MINDY2: variants seen among roughly 807,000 people sequenced by gnomAD.
MINDY2 encodes ubiquitin carboxyl-terminal hydrolase MINDY-2.
MINDY2 carries 52 observed loss-of-function variants against 68.2 expected under a neutral mutation model. The observed-to-expected ratio is 0.76, with a 90% confidence interval of 0.61 to 0.96. The LOEUF (loss-of-function observed/expected upper bound fraction) is 0.96. Among genes scored for constraint, MINDY2 ranks in the 40% least tolerant of loss-of-function variants. The pLI is 0.00. For missense variants in MINDY2, 881 were observed against 773.4 expected (o/e 1.14, Z -1.65); for synonymous variants, 372 against 303.0 (o/e 1.23, Z -2.36).
At chr15:58,791,255 A>ATATATATC (rs1567043814) in intron 2 of MINDY2, among the ~76,000 whole-genome samples, 2 of 125,718 alleles carry the variant, frequency 1.6e-5, no homozygotes, top group East Asian at 4.5e-4. Flanking sequence ...ATATATATAT[A>ATATATATC]TCTTGAGTTC....
intron 2 of MINDY2, among the ~76,000 whole-genome samples, chr15:58,790,476 T>C (rs1901809829): frequency 6.6e-6 from 1 of 152,142 alleles, no homozygotes; most frequent in African/African-American, 2.4e-5. Context: ...ATTTTGGTTT[T>C]TGCCATGAGT....
chr15:58,778,533 C>T (rs1357707804), intron 1 of MINDY2, among the ~76,000 whole-genome samples: 2 of 150,318 alleles, frequency 1.3e-5, no homozygotes, highest in East Asian at 2.0e-4. Context: ...AAAACAGACA[C>T]ACACCAAAAA....
chr15:58,847,858 G>C (rs1271484472), intron 7 of MINDY2, among the ~76,000 whole-genome samples: 1 of 152,216 alleles, frequency 6.6e-6, no homozygotes, highest in Non-Finnish European at 1.5e-5. Context: ...TGATGGCTTA[G>C]CCTTGGGTGG....
chr15:58,788,441 G>C (rs554816616), intron 2 of MINDY2, among the ~76,000 whole-genome samples: 2 of 152,296 alleles, frequency 1.3e-5, no homozygotes, highest in East Asian at 3.9e-4. Context: ...ACATTAGTAA[G>C]CACACTGTTT....
chr15:58,808,729 C>T (rs917443769), intron 3 of MINDY2, among the ~76,000 whole-genome samples: 18 of 152,142 alleles, frequency 1.2e-4, no homozygotes, highest in East Asian at 9.6e-4. Context: ...CTCAGCCTCC[C>T]GAGTAGCTGG....
intron 5 of MINDY2, among the ~76,000 whole-genome samples, chr15:58,827,720 G>A (rs1475205324): frequency 6.6e-6 from 1 of 151,910 alleles, no homozygotes; most frequent in African/African-American, 2.4e-5. Context: ...CCAAAGTGCC[G>A]GGATTACAGG....
At chr15:58,831,991 C>A in intron 6 of MINDY2, 75 bp downstream of exon 6, 1 of 1,294,946 alleles carries the variant, frequency 7.7e-7, no homozygotes, top group Non-Finnish European at 1.0e-6. Context: ...TTTTGATCTG[C>A]TTATAAATAA....
chr15:58,843,085 A>G (rs1277142195), intron 6 of MINDY2, among the ~76,000 whole-genome samples: 1 of 152,220 alleles, frequency 6.6e-6, no homozygotes, highest in Non-Finnish European at 1.5e-5. Flanking sequence ...AGTACCTTAG[A>G]AACTTCAAAA....
chr15:58,844,612 G>GT (rs1276512868), intron 6 of MINDY2, among the ~76,000 whole-genome samples: 1 of 140,726 alleles, frequency 7.1e-6, no homozygotes. Context: ...ACCAGTTATA[G>GT]TTTTTTTAAA....
rs1415241638 is a variant in MINDY2, at chr15:58,858,429, CCTT to C, written c.*3823_*3825del. 6 of 152,106 alleles carry C rather than the reference CCTT, an allele frequency of 3.9e-5. No individual in the cohort carries two copies. In the East Asian group the frequency reaches 9.6e-4, roughly 24 times the overall value. 9.4% of individuals were successfully genotyped at this position (152,106 alleles called of 1,614,324 possible). A position where few individuals can be genotyped will look rare whatever the true frequency, so the allele number is the denominator to read the frequency against. On this transcript the variant is annotated 3_prime_UTR_variant, in exon 9 of 9. Transcript: ENST00000559228. ...TTAAACATTTTGCACTTGCACAAAA[CCTT>C]CTTAGCATTTTGCTTTCAATGAATC...
At chr15:58,784,038 T>A (rs1265333168) in intron 1 of MINDY2, among the ~76,000 whole-genome samples, 1 of 152,108 alleles carries the variant, frequency 6.6e-6, no homozygotes, top group Non-Finnish European at 1.5e-5. Context: ...ATTAATAATT[T>A]TCCAGGGCCG....
chr15:58,786,236 C>T (rs1403873659), intron 1 of MINDY2, among the ~76,000 whole-genome samples: 1 of 152,108 alleles, frequency 6.6e-6, no homozygotes, highest in Non-Finnish European at 1.5e-5. Context: ...CCTTTTTCAA[C>T]ATTTGGGGGA....
chr15:58,848,593 TC>T (rs67438612), intron 7 of MINDY2, among the ~76,000 whole-genome samples: 3,424 of 151,700 alleles, frequency 0.023, 121 homozygotes, highest in African/African-American at 0.076. Flanking sequence ...AATATAAAAA[TC>T]AATTATCCGG....
At position 58,771,986 on chromosome 15, in the gene MINDY2, G is replaced by T. The variant is rs932902673; in HGVS notation, c.591G>T (p.Ala197=). Residue 197 remains alanine, a synonymous_variant, in exon 1 of 9, where the codon GCG becomes GCT. Transcript: ENST00000559228. The part of the protein sequence containing the change: ...SSCEFNSEEG[A]ENRVPEEEEG... ...GCGAGTTCAATAGTGAGGAGGGAGC[G>T]GAGAACAGGGTCCCTGAGGAGGAGG... The T allele has an allele frequency of 6.3e-7, 1 of 1,583,456 alleles. No homozygotes were observed. Among genetic ancestry groups the T allele is most frequent in the African/African-American group, 1.3e-5 (1 of 74,182 alleles).
intron 1 of MINDY2, among the ~76,000 whole-genome samples, chr15:58,784,915 G>A (rs1273783049): frequency 4.0e-5 from 6 of 151,748 alleles, no homozygotes; most frequent in East Asian, 1.9e-4. Flanking sequence ...GACTGTAGAC[G>A]TGAGCCACCG....
intron 5 of MINDY2, among the ~76,000 whole-genome samples, chr15:58,828,467 T>G (rs1195810718): frequency 1.3e-5 from 2 of 152,104 alleles, no homozygotes; most frequent in African/African-American, 4.8e-5. Flanking sequence ...CTAATTATAG[T>G]ACCTCTGTAA....
At chr15:58,823,836 C>G (rs898434282) in intron 5 of MINDY2, among the ~76,000 whole-genome samples, 6 of 152,176 alleles carry the variant, frequency 3.9e-5, no homozygotes, top group Admixed American at 2.6e-4. Context: ...AATTCCTTCT[C>G]AATGAGCTAG....
At position 58,831,850 on chromosome 15, in the gene MINDY2, G is replaced by A. The variant is rs1398396902; in HGVS notation, c.1302G>A (p.Thr434=). 1.2e-5 allele frequency: 19 copies of A among 1,613,504 alleles called. No homozygotes were observed. The highest frequency in any genetic ancestry group is 4.5e-5 in the East Asian group (2 of 44,784). The change falls in exon 6 of 9, where the codon ACG becomes ACA. Residue 434 remains threonine, a synonymous_variant. Coordinates refer to ENST00000559228, the MANE Select transcript of MINDY2 (RefSeq NM_001040450.3). ...ATGGATTATGTGAACTAACTTCAAC[G>A]GTTCAGGAAGGAGAACTTTGTGTGT... ...TYHGLCELTS[T]VQEGELCVFF... is the part of the protein sequence containing the mutation.
At chr15:58,813,910 T>C (rs2030482362) in intron 4 of MINDY2, among the ~76,000 whole-genome samples, 1 of 150,752 alleles carries the variant, frequency 6.6e-6, no homozygotes, top group Admixed American at 6.7e-5. Context: ...CAATATTTCA[T>C]TGTAGTTTTA....
Sources: allele counts gnomAD v4.1 joint callset (sites outside exome capture counted in the v4.1 genomes callset), GRCh38; gene constraint gnomAD v4.1.1; transcripts MANE v1.5; gene names NCBI Gene and HGNC (gene_info 2026-07-23, HGNC 2026-07-21).